The following MAGI2 variants were observed in gnomAD, a reference collection of about 807,000 sequenced individuals.
The protein encoded by MAGI2 is membrane-associated guanylate kinase, WW and PDZ domain-containing protein 2.
A neutral mutation model predicts 133.3 loss-of-function variants in MAGI2; 35 were observed. The observed-to-expected ratio is 0.26, with a 90% confidence interval of 0.20 to 0.35. The LOEUF (loss-of-function observed/expected upper bound fraction) is 0.35, where lower values mean the gene tolerates loss of function less well. MAGI2 is among the 10% of genes least tolerant of loss of function. MAGI2 has a pLI of 1.00. For missense variants in MAGI2, 1,636 were observed against 1,863.4 expected (o/e 0.88, Z 2.25); for synonymous variants, 729 against 710.6 (o/e 1.03, Z -0.41).
rs569074303 is a variant in MAGI2 at position 79,274,568 on chromosome 7, A to G, written c.301+178452T>C. Among the ~76,000 whole-genome samples, 191 of 132,838 alleles carry G rather than the reference A, an allele frequency of 1.4e-3. 1 individual carries two copies. Among genetic ancestry groups the G allele is most frequent in the Non-Finnish European group, 2.2e-3 (130 of 60,390 alleles). 87.1% of individuals were successfully genotyped at this position (132,838 alleles called of 152,430 possible). A position where few individuals can be genotyped will look rare whatever the true frequency, so the allele number is the denominator to read the frequency against. The stretch of plus-strand genomic sequence containing the variant: ...CATCATTACAAACAGGGATCCATAT[A>G]TATATTATATTATATATTTTTTTTC... On this transcript the variant is annotated intron_variant, in intron 1 of 21. Transcript: ENST00000354212.
At chr7:79,444,022 T>G (rs1459557000) in intron 1 of MAGI2, among the ~76,000 whole-genome samples, 1 of 152,168 alleles carries the variant, frequency 6.6e-6, no homozygotes, top group East Asian at 1.9e-4. Context: ...CGCAAATCAA[T>G]AAACGTAATC....
chr7:78,317,634 T>G (rs1046363419), intron 9 of MAGI2, among the ~76,000 whole-genome samples: 1 of 152,184 alleles, frequency 6.6e-6, no homozygotes, highest in African/African-American at 2.4e-5. Context: ...GCATTCGAGC[T>G]CTGATAAGGG....
intron 1 of MAGI2, among the ~76,000 whole-genome samples, chr7:79,394,431 T>A (rs1375884279): frequency 6.6e-6 from 1 of 152,224 alleles, no homozygotes; most frequent in African/African-American, 2.4e-5. Flanking sequence ...TTGGTTGTCA[T>A]ATCCAGGTGG....
intron 9 of MAGI2, among the ~76,000 whole-genome samples, chr7:78,323,062 G>GAAA (rs11431237): frequency 0.18 from 26,153 of 143,428 alleles, 3,869 homozygotes; most frequent in African/African-American, 0.39. Flanking sequence ...GTCTATGGAA[G>GAAA]AAAAAAAAAA....
intron 1 of MAGI2, among the ~76,000 whole-genome samples, chr7:79,058,541 T>C (rs1426586482): frequency 2.6e-5 from 4 of 152,114 alleles, no homozygotes; most frequent in East Asian, 1.9e-4. Context: ...TGCCCACACG[T>C]AGTTTTGTCA....
chr7:78,165,656 C>A (rs1259817848), intron 15 of MAGI2, among the ~76,000 whole-genome samples: 2 of 152,208 alleles, frequency 1.3e-5, no homozygotes, highest in Non-Finnish European at 2.9e-5. Context: ...GCTGCTATCT[C>A]TTCCTTAGCT....
chr7:79,312,462 A>G (rs1178630722), intron 1 of MAGI2, among the ~76,000 whole-genome samples: 1 of 151,914 alleles, frequency 6.6e-6, no homozygotes, highest in East Asian at 1.9e-4. Context: ...TTCCATCTTT[A>G]CTCAAATGTC....
intron 1 of MAGI2, among the ~76,000 whole-genome samples, chr7:79,363,441 C>T (rs1213802167): frequency 6.7e-6 from 1 of 150,038 alleles, no homozygotes; most frequent in East Asian, 2.0e-4. Flanking sequence ...TCCACCAAGG[C>T]TTTTATAGAT....
chr7:79,326,926 C>T (rs1452934806), intron 1 of MAGI2, among the ~76,000 whole-genome samples: 1 of 152,164 alleles, frequency 6.6e-6, no homozygotes, highest in African/African-American at 2.4e-5. Context: ...AGACACCAAA[C>T]TTCTGAGAGA....
intron 9 of MAGI2, among the ~76,000 whole-genome samples, chr7:78,268,728 T>G (rs1489059525): frequency 6.6e-6 from 1 of 152,220 alleles, no homozygotes; most frequent in African/African-American, 2.4e-5. Context: ...ACTTCAAATT[T>G]TGTGTATCTA....
intron 1 of MAGI2, among the ~76,000 whole-genome samples, chr7:79,101,738 AAAG>A (rs1197494725): frequency 1.5e-4 from 22 of 143,416 alleles, no homozygotes; most frequent in African/African-American, 5.5e-4. Flanking sequence ...AAAAAAAAAA[AAAG>A]AAAAAAGAAA....
At chr7:78,922,872 A>T (rs943977009) in intron 2 of MAGI2, among the ~76,000 whole-genome samples, 1 of 150,896 alleles carries the variant, frequency 6.6e-6, no homozygotes, top group African/African-American at 2.4e-5. Context: ...CTGACTTTTT[A>T]ATGATTGCCA....
At chr7:78,152,561 T>A (rs528657851) in intron 16 of MAGI2, among the ~76,000 whole-genome samples, 1 of 152,304 alleles carries the variant, frequency 6.6e-6, no homozygotes, top group South Asian at 2.1e-4. Flanking sequence ...GGAACAGAAA[T>A]TAAGTCACAA....
At chr7:79,320,649 G>A (rs1347208213) in intron 1 of MAGI2, among the ~76,000 whole-genome samples, 3 of 152,132 alleles carry the variant, frequency 2.0e-5, no homozygotes, top group Non-Finnish European at 4.4e-5. Flanking sequence ...GCTAATGCCT[G>A]TTTTAAAACA....
Position 78,687,996 on chromosome 7 carries a change from A to G in MAGI2, c.419-60757T>C, listed in dbSNP as rs1439797457. Among the ~76,000 whole-genome samples, 334 of 147,636 alleles carry G rather than the reference A, an allele frequency of 2.3e-3. 4 individuals are homozygous for G. The highest frequency in any genetic ancestry group is 7.7e-3 in the African/African-American group (309 of 40,070). ...AAAAAAAAAAAAAAAAAAAAAAAAA[A>G]AAAAAGAAAAAAGAAAAGAAAAAAA... is the stretch of plus-strand genomic sequence containing the variant. On this transcript the variant is annotated intron_variant, in intron 2 of 21. Transcript: ENST00000354212.
chr7:78,801,765 T>C (rs78523108), intron 2 of MAGI2, among the ~76,000 whole-genome samples: 2,588 of 152,244 alleles, frequency 0.017, 66 homozygotes, highest in Admixed American at 0.054. Flanking sequence ...TTTCTGTGTG[T>C]CAGGCTCTGA....
rs996282390 is a variant in MAGI2 at position 79,186,056 on chromosome 7, A to G, written c.302-178850T>C. On this transcript the variant is annotated intron_variant, in intron 1 of 21. Transcript: ENST00000354212. Reference sequence around the variant, plus strand: ...AGTGAATTTTATGTCTTACAGAGCCAGTGCTAAAAAATGTGCATAGACACA... The same window carrying G: ...AGTGAATTTTATGTCTTACAGAGCCGGTGCTAAAAAATGTGCATAGACACA... Among the ~76,000 whole-genome samples the G allele has an allele frequency of 1.1e-4, 17 of 151,472 alleles. 2 individuals are homozygous for G. Among genetic ancestry groups the G allele is most frequent in the Admixed American group, 1.1e-3 (16 of 15,102 alleles).
intron 1 of MAGI2, among the ~76,000 whole-genome samples, chr7:79,171,593 T>C (rs541491565): frequency 1.4e-4 from 21 of 150,856 alleles, no homozygotes; most frequent in African/African-American, 5.1e-4. Flanking sequence ...TAATACCATA[T>C]ACAAATAAAT....
intron 1 of MAGI2, among the ~76,000 whole-genome samples, chr7:79,236,104 G>A (rs1831901904): frequency 6.6e-6 from 1 of 152,158 alleles, no homozygotes; most frequent in Non-Finnish European, 1.5e-5. Context: ...AAGTCATTGG[G>A]AATGAATAAG....
Sources: gnomAD v4.1 joint callset for allele counts (sites outside exome capture counted in the v4.1 genomes callset) on GRCh38, gnomAD v4.1.1 for gene constraint, MANE v1.5 for transcripts, NCBI Gene and HGNC (gene_info 2026-07-23, HGNC 2026-07-21) for gene names.